The following PEAK1 variants were observed in gnomAD, a reference collection of about 807,000 sequenced individuals.
PEAK1 encodes pseudopodium enriched atypical kinase 1.
In PEAK1, 54 loss-of-function variants were observed where a neutral mutation model predicts 124.7. The ratio of observed to expected loss-of-function variants is 0.43; its 90% CI spans 0.35 to 0.54. PEAK1 has a LOEUF of 0.54. PEAK1 is among the 20% of genes least tolerant of loss of function. The probability of loss-of-function intolerance (pLI) is 0.01; values close to 1 mark genes in which losing one functional copy is unlikely to be tolerated. For missense variants in PEAK1, 2,046 were observed against 2,134.5 expected, an observed-to-expected ratio of 0.96 and a Z score of 0.82; for synonymous variants, 719 against 760.0, an observed-to-expected ratio of 0.95 and a Z score of 0.89.
At chr15:77,373,781 C>T (rs181230927) in intron 1 of PEAK1, among the ~76,000 whole-genome samples, 1 of 152,322 alleles carries the variant, frequency 6.6e-6, no homozygotes, top group Non-Finnish European at 1.5e-5. Flanking sequence ...CACTGCCTAG[C>T]TTATCAGGCT....
chr15:77,159,639 A>C (rs2055455219), intron 7 of PEAK1, among the ~76,000 whole-genome samples: 1 of 152,184 alleles, frequency 6.6e-6, no homozygotes, highest in African/African-American at 2.4e-5. Context: ...TTTCTTTATG[A>C]AAAAAAGAAA....
intron 2 of PEAK1, among the ~76,000 whole-genome samples, chr15:77,309,700 A>G (rs1355116141): frequency 1.3e-5 from 2 of 152,118 alleles, no homozygotes; most frequent in Non-Finnish European, 2.9e-5. Flanking sequence ...TAGATCTGTG[A>G]GCTAAACACC....
chr15:77,418,175 T>C, intron 1 of PEAK1: 1 of 985,278 alleles, frequency 1.0e-6, no homozygotes, highest in Non-Finnish European at 1.2e-6. Flanking sequence ...AGTTGAGGTA[T>C]CATAATAGTT....
chr15:77,236,461 C>T (rs890841198), intron 6 of PEAK1, among the ~76,000 whole-genome samples: 1 of 152,196 alleles, frequency 6.6e-6, no homozygotes, highest in African/African-American at 2.4e-5. Flanking sequence ...CAATTTCTCC[C>T]ACTTGGAATG....
At chr15:77,238,689 C>T (rs192272908) in intron 6 of PEAK1, among the ~76,000 whole-genome samples, 11 of 152,198 alleles carry the variant, frequency 7.2e-5, no homozygotes, top group African/African-American at 1.7e-4. Flanking sequence ...GATGTGCCAC[C>T]GGGTAGTTAA....
intron 6 of PEAK1, among the ~76,000 whole-genome samples, chr15:77,239,264 G>A (rs1466367971): frequency 6.6e-6 from 1 of 152,160 alleles, no homozygotes; most frequent in African/African-American, 2.4e-5. Flanking sequence ...AGAAGGGGGT[G>A]TTTATCCAGT....
At chr15:77,163,361 G>T (rs539969303) in intron 7 of PEAK1, among the ~76,000 whole-genome samples, 157 of 152,296 alleles carry the variant, frequency 1.0e-3, no homozygotes, top group Non-Finnish European at 1.8e-3. Context: ...CATTGTTACA[G>T]ATTTGTCTGT....
chr15:77,306,285 A>G (rs561045821), intron 2 of PEAK1, among the ~76,000 whole-genome samples: 79 of 152,240 alleles, frequency 5.2e-4, no homozygotes, highest in Non-Finnish European at 9.0e-4. Flanking sequence ...ACTCAGTAAG[A>G]CCTCTTAAAC....
chr15:77,132,532 T>C (rs1296131379), intron 9 of PEAK1, among the ~76,000 whole-genome samples: 2 of 151,932 alleles, frequency 1.3e-5, no homozygotes, highest in Non-Finnish European at 2.9e-5. Context: ...CCATCTCCAC[T>C]AAAAATATAA....
rs565407691 is a variant in PEAK1 at position 77,399,257 on chromosome 15, T to C, written c.-666+20749A>G. On this transcript the variant is annotated intron_variant, in intron 1 of 9. Transcript: ENST00000682557. ...AAAATGTCCATACAACCCAAAGCAA[T>C]AGACAATTTAATGTCTATCAATATA... is the stretch of plus-strand genomic sequence containing the variant. Among the ~76,000 whole-genome samples the C allele has an allele frequency of 3.9e-5, 6 of 152,156 alleles. No homozygotes were observed. The South Asian group carries it at 6.2e-4, about 16-fold the overall frequency.
At chr15:77,353,524 G>A (rs758399305) in intron 2 of PEAK1, among the ~76,000 whole-genome samples, 2 of 152,176 alleles carry the variant, frequency 1.3e-5, no homozygotes, top group African/African-American at 4.8e-5. Context: ...AATGTTTTCA[G>A]AAAGACCTTG....
At chr15:77,184,881 C>CTCTGCCTCGAA (rs71143397) in intron 6 of PEAK1, among the ~76,000 whole-genome samples, 28 of 151,996 alleles carry the variant, frequency 1.8e-4, no homozygotes, top group African/African-American at 5.6e-4. Context: ...CAGTCTAAGA[C>CTCTGCCTCGAA]AAACAAACAA....
chr15:77,420,452 G>A (rs892280688), upstream of PEAK1: 8 of 157,090 alleles, frequency 5.1e-5, no homozygotes, highest in Non-Finnish European at 1.1e-4. Context: ...CCCGCGTGAG[G>A]GAAAATTTGG....
intron 2 of PEAK1, among the ~76,000 whole-genome samples, chr15:77,362,870 T>G (rs1231950429): frequency 6.6e-6 from 1 of 152,184 alleles, no homozygotes; most frequent in Admixed American, 6.5e-5. Flanking sequence ...TTTATTTATT[T>G]TTTTAGACGG....
At chr15:77,370,865 A>G (rs888188154) in intron 1 of PEAK1, 2 of 511,608 alleles carry the variant, frequency 3.9e-6, no homozygotes, top group South Asian at 8.6e-5. Context: ...TCCCAACTCT[A>G]CTAAAATACA....
intron 7 of PEAK1, among the ~76,000 whole-genome samples, chr15:77,173,649 C>T (rs569442706): frequency 3.3e-5 from 5 of 152,282 alleles, no homozygotes; most frequent in East Asian, 3.9e-4. Context: ...TGGTTATCAT[C>T]GTTCTATTCT....
chr15:77,355,617 C>T, intron 2 of PEAK1: 2 of 290,322 alleles, frequency 6.9e-6, no homozygotes, highest in Non-Finnish European at 1.0e-5. Flanking sequence ...CCCTTTGCTG[C>T]AGCCAGCTCA....
intron 9 of PEAK1, among the ~76,000 whole-genome samples, chr15:77,126,592 T>C (rs995713838): frequency 1.3e-5 from 2 of 152,232 alleles, no homozygotes; most frequent in Non-Finnish European, 2.9e-5. Flanking sequence ...TAATGCATTA[T>C]TTTATATGTA....
intron 1 of PEAK1, among the ~76,000 whole-genome samples, chr15:77,405,062 G>A (rs1029026139): frequency 5.3e-5 from 8 of 151,374 alleles, no homozygotes; most frequent in Non-Finnish European, 1.5e-5. Flanking sequence ...CTGGAGTGCA[G>A]TGGTGCAATC....
Sources: allele counts gnomAD v4.1 joint callset (sites outside exome capture counted in the v4.1 genomes callset), GRCh38; gene constraint gnomAD v4.1.1; transcripts MANE v1.5; gene names NCBI Gene and HGNC (gene_info 2026-07-23, HGNC 2026-07-21).